Variants in PAX4 observed in about 807,000 individuals in gnomAD.
The protein encoded by PAX4 is paired box protein Pax-4.
A neutral mutation model predicts 40.6 loss-of-function variants in PAX4; 33 were observed. That is an observed-to-expected ratio of 0.81 (90% CI 0.62 to 1.09). The LOEUF is 1.09. Among genes scored for constraint, PAX4 ranks in the 50% least tolerant of loss-of-function variants. The pLI is 0.00. For missense variants in PAX4, 459 were observed against 442.5 expected, an observed-to-expected ratio of 1.04 and a Z score of -0.33; for synonymous variants, 174 against 170.6, an observed-to-expected ratio of 1.02 and a Z score of -0.16.
chr7:127,614,610 A>T (rs2116140720), intron 5 of PAX4, 53 bp from the exon 6 acceptor site: 1 of 1,406,250 alleles, frequency 7.1e-7, no homozygotes, highest in East Asian at 2.4e-5. Context: ...TCAGGGCTAT[A>T]CCCTGAGGAT....
intron 8 of PAX4, 90 bp downstream of exon 8, chr7:127,613,360 C>T (rs983342630): frequency 1.1e-5 from 14 of 1,267,962 alleles, no homozygotes; most frequent in African/African-American, 2.9e-5. Flanking sequence ...AATTTCTCAC[C>T]TCCCCTCTCC....
rs552026794 is a variant in PAX4 at position 127,613,536 on chromosome 7, C to T, written c.563-4G>A. 19 of 1,614,080 alleles carry T rather than the reference C, an allele frequency of 1.2e-5. No homozygotes were observed. The highest frequency in any genetic ancestry group is 5.0e-5 in the Admixed American group (3 of 60,030). ...GGATACTGCCCACGCTGGAACTCTG[C>T]GGAGATCGAGTCTCACAAAGTAAGG... is the stretch of plus-strand genomic sequence containing the variant. On this transcript the variant is annotated splice_region_variant and splice_polypyrimidine_tract_variant and intron_variant, in intron 7 of 11. Transcript: ENST00000639438.
chr7:127,611,892 C>G, intron 10 of PAX4, 53 bp downstream of exon 10: 1 of 1,611,518 alleles, frequency 6.2e-7, no homozygotes, highest in Non-Finnish European at 8.5e-7. Flanking sequence ...ATGGAAGAGC[C>G]CATGAGCCCT....
intron 9 of PAX4, among the ~76,000 whole-genome samples, chr7:127,612,487 A>G (rs1794646328): frequency 1.3e-5 from 2 of 151,574 alleles, no homozygotes; most frequent in African/African-American, 2.4e-5. Context: ...GGATGGATGG[A>G]TGGATGGATG....
At chr7:127,612,223 G>A (rs991196664) in intron 9 of PAX4, among the ~76,000 whole-genome samples, 4 of 152,238 alleles carry the variant, frequency 2.6e-5, no homozygotes, top group Non-Finnish European at 5.9e-5. Flanking sequence ...GATGGTACTG[G>A]GGACAGTGCA....
chr7:127,612,974 T>C (rs774019192), intron 9 of PAX4, 48 bp downstream of exon 9: 1 of 1,369,278 alleles, frequency 7.3e-7, no homozygotes. Flanking sequence ...GATGGATGGA[T>C]GGATAGATGA....
chr7:127,617,396 A>G lies in PAX4; in HGVS notation c.-221T>C, dbSNP rs1258225468. 6.6e-6 allele frequency: 1 copy of G among 152,204 alleles called. No homozygotes were observed. The highest frequency in any genetic ancestry group is 1.5e-5 in the Non-Finnish European group (1 of 68,026). 9.4% of individuals were successfully genotyped at this position (152,204 alleles called of 1,614,324 possible). On this transcript the variant is annotated 5_prime_UTR_variant, in exon 2 of 12. Coordinates refer to ENST00000639438, the MANE Select transcript of PAX4 (RefSeq NM_001366110.1). ...GCACAGATTGGCATTGCCACAAGTC[A>G]GGGGCTGTCCAGAGAGTAAAATTCA...
intron 2 of PAX4, among the ~76,000 whole-genome samples, chr7:127,616,510 G>T (rs953882647): frequency 6.6e-6 from 1 of 152,134 alleles, no homozygotes; most frequent in Non-Finnish European, 1.5e-5. Context: ...CTTCAGAAAG[G>T]CTTGCTCCTG....
chr7:127,611,843 G>A, intron 10 of PAX4, 102 bp downstream of exon 10: 1 of 1,596,668 alleles, frequency 6.3e-7, no homozygotes, highest in Non-Finnish European at 8.5e-7. Context: ...TGAACACTGT[G>A]GGGCCCTGGA....
At position 127,610,395 on chromosome 7, in the gene PAX4, T is replaced by TATGACAAAATAC. The variant is rs1794598152; in HGVS notation, c.*668_*669insGTATTTTGTCAT. On this transcript the variant is annotated 3_prime_UTR_variant, in exon 12 of 12. Transcript: ENST00000639438. ...TACAAAATACATATGACAAAATACA[T>TATGACAAAATAC]ATGACAAAAATACATAATTTTCTTA... The TATGACAAAATAC allele has an allele frequency of 7.0e-6, 1 of 143,106 alleles. No homozygotes were observed. The highest frequency in any genetic ancestry group is 3.6e-5 in the African/African-American group (1 of 27,932). 8.9% of individuals were successfully genotyped at this position (143,106 alleles called of 1,614,324 possible). A position where few individuals can be genotyped will look rare whatever the true frequency, so the allele number is the denominator to read the frequency against.
At chr7:127,613,415 CT>C in intron 8 of PAX4, 34 bp downstream of exon 8, 1 of 1,601,852 alleles carries the variant, frequency 6.2e-7, no homozygotes, top group Non-Finnish European at 8.6e-7. Context: ...ACTCTTCCTC[CT>C]TGTGGTTTGT....
chr7:127,612,962 TGGATGG>T lies in PAX4; in HGVS notation c.715+54_715+59del, dbSNP rs1438315936. On this transcript the variant is annotated intron_variant, in intron 9 of 11. Coordinates refer to ENST00000639438, the MANE Select transcript of PAX4 (RefSeq NM_001366110.1). ...ATGGATGGATGGATGGATGGATGGA[TGGATGG>T]ATGGATGGATAGATGACTGAGCGGG... 1.9e-5 allele frequency: 24 copies of T among 1,244,852 alleles called. No homozygotes were observed. In the African/African-American group the frequency reaches 3.4e-4, roughly 18 times the overall value. 77.1% of individuals were successfully genotyped at this position (1,244,852 alleles called of 1,614,324 possible). A position where few individuals can be genotyped will look rare whatever the true frequency, so the allele number is the denominator to read the frequency against.
chr7:127,615,787 A>G, intron 3 of PAX4, 129 bp downstream of exon 3: 3 of 1,518,218 alleles, frequency 2.0e-6, no homozygotes, highest in Non-Finnish European at 2.6e-6. Context: ...GCAGGAAGGG[A>G]GGGACTGGAA....
In PAX4 at chr7:127,615,153, G is replaced by C. The variant is rs780951992; in HGVS notation, c.145-58C>G. 1.9e-6 allele frequency: 3 copies of C among 1,613,102 alleles called. No individual in the cohort carries two copies. In the African/African-American group the frequency reaches 4.0e-5, roughly 22 times the overall value. ...CATGATGGGCAGAAGGAAGGAGAGT[G>C]TCCCTGGGACAGGAGGAGGCTATAA... On this transcript the variant is annotated intron_variant, in intron 4 of 11. Transcript: ENST00000639438.
chr7:127,615,274 C>A, intron 4 of PAX4, 127 bp downstream of exon 4: 1 of 1,602,982 alleles, frequency 6.2e-7, no homozygotes, highest in Non-Finnish European at 8.5e-7. Context: ...CCGAGAGGAT[C>A]TCCCAGGAAG....
intron 2 of PAX4, among the ~76,000 whole-genome samples, chr7:127,616,333 T>C (rs746373054): frequency 2.0e-5 from 3 of 152,148 alleles, no homozygotes; most frequent in Non-Finnish European, 2.9e-5. Context: ...ATGCTCAAGC[T>C]TTCCCCTTTC....
At position 127,617,367 on chromosome 7, in the gene PAX4, T is replaced by C. The variant is rs1336534197; in HGVS notation, c.-192A>G. On this transcript the variant is annotated 5_prime_UTR_variant, in exon 2 of 12. Transcript: ENST00000639438. ...GGCAGAGGTTTTCCAAAGAGAAAACTGAGGCACAGATTGGCATTGCCACAA... is the reference window on the plus strand; with the variant it reads ...GGCAGAGGTTTTCCAAAGAGAAAACCGAGGCACAGATTGGCATTGCCACAA... 3.9e-5 allele frequency: 6 copies of C among 152,208 alleles called. No homozygotes were observed. The highest frequency in any genetic ancestry group is 9.6e-5 in the African/African-American group (4 of 41,452). The allele number at this position is 152,208 out of a possible 1,614,324, so 9.4% of individuals were successfully genotyped here. A position where few individuals can be genotyped will look rare whatever the true frequency, so the allele number is the denominator to read the frequency against.
In PAX4 at chr7:127,610,765, G is replaced by T; in HGVS notation, c.*299C>A. 1.0e-6 allele frequency: 1 copy of T among 953,520 alleles called. No individual in the cohort carries two copies. Among genetic ancestry groups the T allele is most frequent in the Non-Finnish European group, 1.6e-6 (1 of 621,856 alleles). The allele number at this position is 953,520 out of a possible 1,614,324, so 59.1% of individuals were successfully genotyped here. On this transcript the variant is annotated 3_prime_UTR_variant, in exon 12 of 12. Transcript: ENST00000639438. ...TTGTTGAATATTAGAGTGGGCATAG[G>T]GGTGCTCATAGGGAAAACATGATGG...
chr7:127,616,102 G>A (rs1794720348), intron 2 of PAX4, 75 bp from the exon 3 acceptor site: 1 of 703,198 alleles, frequency 1.4e-6, no homozygotes, highest in Admixed American at 3.0e-5. Context: ...TTGTGATAGA[G>A]GGTCAGGTTC....
Sources: allele counts gnomAD v4.1 joint callset (sites outside exome capture counted in the v4.1 genomes callset), GRCh38; gene constraint gnomAD v4.1.1; transcripts MANE v1.5; gene names NCBI Gene and HGNC (gene_info 2026-07-23, HGNC 2026-07-21).